MAST1: variants seen among roughly 807,000 people sequenced by gnomAD.
MAST1 encodes microtubule associated serine/threonine kinase 1, also known as microtubule-associated serine/threonine-protein kinase 1.
A neutral mutation model predicts 124.6 loss-of-function variants in MAST1; 40 were observed. That is an observed-to-expected ratio of 0.32 (90% CI 0.25 to 0.42). The LOEUF (loss-of-function observed/expected upper bound fraction) is 0.42, where lower values mean the gene tolerates loss of function less well. MAST1 is among the 10% of genes least tolerant of loss of function. The probability of loss-of-function intolerance (pLI) is 1.00; values close to 1 mark genes in which losing one functional copy is unlikely to be tolerated. For synonymous variants in MAST1, 938 were observed against 939.4 expected (o/e 1.00, Z 0.03); for missense variants, 1,558 against 2,181.9 (o/e 0.71, Z 5.70).
chr19:12,852,420 A>G (rs766235376), intron 10 of MAST1, 25 bp downstream of exon 10: 1 of 1,366,700 alleles, frequency 7.3e-7, no homozygotes, highest in African/African-American at 1.5e-5. Context: ...CTAAGCGGTC[A>G]GTACCCTGGT....
At chr19:12,859,321 C>T (rs1418519131) in intron 12 of MAST1, among the ~76,000 whole-genome samples, 4 of 152,170 alleles carry the variant, frequency 2.6e-5, no homozygotes, top group Admixed American at 2.6e-4. Flanking sequence ...CTTAAGTGAT[C>T]TGCCTGCCTG....
chr19:12,840,899 G>A (rs1969818360), intron 2 of MAST1, 92 bp from the exon 3 acceptor site: 2 of 781,504 alleles, frequency 2.6e-6, no homozygotes, highest in East Asian at 2.4e-5. Context: ...CATAATAGGC[G>A]GGACTAGACT....
chr19:12,841,373 A>G lies in MAST1; in HGVS notation c.248+307A>G, dbSNP rs574328496. Among the ~76,000 whole-genome samples the G allele has an allele frequency of 1.1e-4, 17 of 152,372 alleles. No individual in the cohort carries two copies. In the South Asian group the frequency reaches 3.5e-3, roughly 32 times the overall value. Reference sequence around the variant, plus strand: ...CTTGCTCTCCTGGCCAGGTGTTTCCATAGCAACAGGACGGGGCAGCCAAGA... The same window carrying G: ...CTTGCTCTCCTGGCCAGGTGTTTCCGTAGCAACAGGACGGGGCAGCCAAGA... On this transcript the variant is annotated intron_variant, in intron 3 of 25. Transcript: ENST00000251472. The surrounding 1 kb of genome is among the most constrained non-coding windows in gnomAD (Gnocchi z 4.3).
At chr19:12,867,440 C>A (rs1431602562) in intron 18 of MAST1, 34 bp from the exon 19 acceptor site, 1 of 1,609,638 alleles carries the variant, frequency 6.2e-7, no homozygotes, top group Admixed American at 1.7e-5. Flanking sequence ...AAAGTGGAAC[C>A]CGGGCTGGAC....
rs1203035769 is a variant in MAST1 at position 12,874,033 on chromosome 19, G to A, written c.3876G>A (p.Pro1292=). The change falls in exon 26 of 26, where the codon CCG becomes CCA. Residue 1292 remains proline, a synonymous_variant. Coordinates refer to ENST00000251472, the MANE Select transcript of MAST1 (RefSeq NM_014975.3). The surrounding 1 kb of genome is among the most constrained non-coding windows in gnomAD (Gnocchi z 6.6). Reference sequence around the variant, plus strand: ...AACACAGCCTCGAGGTGGGCCACCCGGATTTCCGCAAGGACTTCCATGGCG... The same window carrying A: ...AACACAGCCTCGAGGTGGGCCACCCAGATTTCCGCAAGGACTTCCATGGCG... ...LRKHSLEVGH[P]DFRKDFHGEL... 4.4e-6 allele frequency: 7 copies of A among 1,605,338 alleles called. No individual in the cohort carries two copies. Among genetic ancestry groups the A allele is most frequent in the South Asian group, 1.1e-5 (1 of 90,170 alleles).
In MAST1 at chr19:12,869,257, G is replaced by T; in HGVS notation, c.2965G>T (p.Gly989Cys). ...ACTGCGTGCCATCCGTGTCTACATG[G>T]GTGACACGGATGTCTATAGTGTCCA... is the stretch of plus-strand genomic sequence containing the variant. ...FTLRAIRVYMGDTDVYSVHHI... is the reference protein window; with the variant it reads ...FTLRAIRVYMCDTDVYSVHHI... The change falls in exon 22 of 26, where the codon GGT becomes TGT. Residue 989 changes from glycine to cysteine, a missense_variant. By Grantham distance (159) the Gly-to-Cys change is radical. This residue lies in a region of MAST1 where 291 missense variants were observed against 475.8 expected (regional missense o/e 0.61). Coordinates refer to ENST00000251472, the MANE Select transcript of MAST1 (RefSeq NM_014975.3). The T allele has an allele frequency of 6.2e-7, 1 of 1,614,056 alleles. No homozygotes were observed. Among genetic ancestry groups the T allele is most frequent in the African/African-American group, 1.3e-5 (1 of 75,014 alleles).
At chr19:12,871,254 G>A (rs1970230504) in intron 24 of MAST1, 82 bp downstream of exon 24, 6 of 1,573,978 alleles carry the variant, frequency 3.8e-6, no homozygotes, top group Non-Finnish European at 5.2e-6. Flanking sequence ...ATGGAGAAGG[G>A]AAGAGCACGG....
chr19:12,868,274 A>T (rs1970187854), intron 20 of MAST1, among the ~76,000 whole-genome samples: 1 of 151,298 alleles, frequency 6.6e-6, no homozygotes, highest in Non-Finnish European at 1.5e-5. Flanking sequence ...ACCCCCGGCT[A>T]ATTTTTGTAT....
rs576110144 is a variant in MAST1 at position 12,860,964 on chromosome 19, A to G, written c.1366+2225A>G. On this transcript the variant is annotated intron_variant, in intron 12 of 25. Coordinates refer to ENST00000251472, the MANE Select transcript of MAST1 (RefSeq NM_014975.3). ...ATGCTGTGCTAGGTGCCAGTGACAC[A>G]GAGGAGACCCAGGCACAGACATCTC... Among the ~76,000 whole-genome samples the G allele has an allele frequency of 2.6e-5, 4 of 152,182 alleles. No individual in the cohort carries two copies. In the South Asian group the frequency reaches 8.3e-4, roughly 32 times the overall value.
At chr19:12,852,628 C>T (rs1040319158) in intron 10 of MAST1, among the ~76,000 whole-genome samples, 1 of 150,860 alleles carries the variant, frequency 6.6e-6, no homozygotes, top group Non-Finnish European at 1.5e-5. Context: ...CACCTGAGGT[C>T]GGGAGTTCGA....
At position 12,867,915 on chromosome 19, in the gene MAST1, C is replaced by A. The variant is rs771251466; in HGVS notation, c.2504C>A (p.Ala835Glu). Residue 835 changes from alanine to glutamate, a missense_variant, in exon 20 of 26, where the codon GCA (alanine) becomes GAA (glutamate). Transcript: ENST00000251472. ...TCCGACCCCGCGGGATCCCTGGATG[C>A]ACGGGCCCCCAAAGAGGAGACTCAA... ...PSSDPAGSLD[A>E]RAPKEETQGE... 1 of 1,600,224 alleles carries A rather than the reference C, an allele frequency of 6.2e-7. No homozygotes were observed. The highest frequency in any genetic ancestry group is 1.1e-5 in the South Asian group (1 of 90,176).
chr19:12,849,982 G>A (rs1245812358), intron 7 of MAST1, among the ~76,000 whole-genome samples: 7 of 151,508 alleles, frequency 4.6e-5, no homozygotes, highest in African/African-American at 1.2e-4. Flanking sequence ...ATTTTTAGTC[G>A]AGGCAGGGTT....
At chr19:12,873,207 C>A in intron 24 of MAST1, 117 bp from the exon 25 acceptor site, 1 of 958,828 alleles carries the variant, frequency 1.0e-6, no homozygotes, top group African/African-American at 1.6e-5. Flanking sequence ...TGGGTTGTAG[C>A]TGGAGAGGGA....
At position 12,870,702 on chromosome 19, in the gene MAST1, A is replaced by G. The variant is rs967087485; in HGVS notation, c.3004-122A>G. On this transcript the variant is annotated intron_variant, in intron 22 of 25. Coordinates refer to ENST00000251472, the MANE Select transcript of MAST1 (RefSeq NM_014975.3). Reference sequence around the variant, plus strand: ...AAATGTGGGGGGAGGAATAATAACTATTTCACAAGGTGTTATGAGGATTCT... The same window carrying G: ...AAATGTGGGGGGAGGAATAATAACTGTTTCACAAGGTGTTATGAGGATTCT... 4.9e-6 allele frequency: 5 copies of G among 1,027,180 alleles called. No individual in the cohort carries two copies. In the Admixed American group the frequency reaches 1.0e-4, roughly 22 times the overall value. The allele number at this position is 1,027,180 out of a possible 1,614,324, so 63.6% of individuals were successfully genotyped here. A position where few individuals can be genotyped will look rare whatever the true frequency, so the allele number is the denominator to read the frequency against.
At chr19:12,854,834 T>A (rs1970001095) in intron 10 of MAST1, among the ~76,000 whole-genome samples, 1 of 152,298 alleles carries the variant, frequency 6.6e-6, no homozygotes, top group Admixed American at 6.5e-5. Flanking sequence ...AATTGCCAAT[T>A]CTATTCCCAG....
chr19:12,863,380 C>G (rs987031410), intron 12 of MAST1, among the ~76,000 whole-genome samples: 2 of 151,756 alleles, frequency 1.3e-5, no homozygotes, highest in Non-Finnish European at 2.9e-5. Flanking sequence ...TGGGCCCCAC[C>G]CTCAGAGAGT....
Position 12,868,680 on chromosome 19 carries a change from G to C in MAST1, c.2604G>C (p.Ser868=). ...GCCCAGGTGACCTCTGCCCACCCTCGAAGGATGGGGATGCATCAGGCCCAA... is the reference window on the plus strand; with the variant it reads ...GCCCAGGTGACCTCTGCCCACCCTCCAAGGATGGGGATGCATCAGGCCCAA... ...RPRPGDLCPP[S]KDGDASGPRA... Residue 868 remains serine, a synonymous_variant, in exon 21 of 26, where the codon TCG becomes TCC. Coordinates refer to ENST00000251472, the MANE Select transcript of MAST1 (RefSeq NM_014975.3). The C allele has an allele frequency of 1.2e-6, 2 of 1,609,594 alleles. No homozygotes were observed. Among genetic ancestry groups the C allele is most frequent in the Non-Finnish European group, 1.7e-6 (2 of 1,177,008 alleles).
At chr19:12,849,964 A>G (rs1391332443) in intron 7 of MAST1, among the ~76,000 whole-genome samples, 1 of 151,244 alleles carries the variant, frequency 6.6e-6, no homozygotes, top group Non-Finnish European at 1.5e-5. Flanking sequence ...TGCCTGGCTA[A>G]TTTTTGTATT....
rs1970092384 is a variant in MAST1 at position 12,862,168 on chromosome 19, C to A, written c.1367-2641C>A. Among the ~76,000 whole-genome samples the A allele has an allele frequency of 2.0e-5, 3 of 152,028 alleles. 1 individual carries two copies. In the South Asian group the frequency reaches 6.2e-4, roughly 32 times the overall value. ...TACAGGCGTGTGCCACCACATCTGG[C>A]AAATTTTTGTACTTTTAGTAGAGAC... On this transcript the variant is annotated intron_variant, in intron 12 of 25. Transcript: ENST00000251472.
Sources: allele counts gnomAD v4.1 joint callset (sites outside exome capture counted in the v4.1 genomes callset), GRCh38; gene constraint gnomAD v4.1.1; regional missense constraint gnomAD v4.1.1; non-coding constraint Gnocchi (gnomAD v3.1); transcripts MANE v1.5; gene names NCBI Gene and HGNC (gene_info 2026-07-23, HGNC 2026-07-21).